RBMS3: variants seen among roughly 807,000 people sequenced by gnomAD.
The protein encoded by RBMS3 is RNA-binding motif, single-stranded-interacting protein 3.
A neutral mutation model predicts 66.8 loss-of-function variants in RBMS3; 27 were observed. The observed-to-expected ratio is 0.40, with a 90% confidence interval of 0.30 to 0.56. RBMS3 has a LOEUF of 0.56. Ranked by LOEUF, RBMS3 falls within the 20% of genes least tolerant of loss-of-function variation. The pLI is 0.40. For missense variants in RBMS3, 513 were observed against 549.5 expected, an observed-to-expected ratio of 0.93 and a Z score of 0.66; for synonymous variants, 188 against 183.0, an observed-to-expected ratio of 1.03 and a Z score of -0.22.
chr3:29,618,478 C>A (rs1431919452), intron 4 of RBMS3, among the ~76,000 whole-genome samples: 1 of 151,888 alleles, frequency 6.6e-6, no homozygotes, highest in East Asian at 1.9e-4. Context: ...TGTACTACAG[C>A]CTTGGCAACA....
At position 29,534,829 on chromosome 3, in the gene RBMS3, A is replaced by G. The variant is rs193139500; in HGVS notation, c.307+46330A>G. The stretch of plus-strand genomic sequence containing the variant: ...TTATCCACTCGTGTCATATGTCATC[A>G]TGCAAACTTCGTGAATTATAACTGT... On this transcript the variant is annotated intron_variant, in intron 3 of 14. Coordinates refer to ENST00000383767, the MANE Select transcript of RBMS3 (RefSeq NM_001003793.3). Among the ~76,000 whole-genome samples the G allele has an allele frequency of 5.0e-3, 761 of 152,308 alleles. 7 individuals carry two copies. The highest frequency in any genetic ancestry group is 0.014 in the Middle Eastern group (4 of 294).
At chr3:29,428,060 G>A (rs2041029168) in intron 1 of RBMS3, among the ~76,000 whole-genome samples, 1 of 152,178 alleles carries the variant, frequency 6.6e-6, no homozygotes, top group Admixed American at 6.5e-5. Context: ...GGGGGTGAAT[G>A]CCATGCGAAG....
chr3:29,549,290 C>G (rs1356880091), intron 3 of RBMS3, among the ~76,000 whole-genome samples: 1 of 151,832 alleles, frequency 6.6e-6, no homozygotes, highest in Non-Finnish European at 1.5e-5. Flanking sequence ...TATATCTGTG[C>G]TGTGTTTACA....
chr3:29,329,692 G>A (rs1488228935), intron 1 of RBMS3, among the ~76,000 whole-genome samples: 1 of 151,672 alleles, frequency 6.6e-6, no homozygotes, highest in African/African-American at 2.4e-5. Context: ...ATTGAGTCAA[G>A]CTTAATGCAT....
chr3:29,480,487 T>G (rs542301416), intron 2 of RBMS3, among the ~76,000 whole-genome samples: 1 of 151,980 alleles, frequency 6.6e-6, no homozygotes, highest in East Asian at 1.9e-4. Flanking sequence ...AAGAACCAGA[T>G]GAAGGTAATG....
chr3:29,281,529 A>T lies in RBMS3; in HGVS notation c.-153A>T, dbSNP rs894882719. The stretch of plus-strand genomic sequence containing the variant: ...TTGTTTTGTTTTGTTTTTTAAAAAA[A>T]TTCTTGCTGTGTTGGAACTAGCGAG... On this transcript the variant is annotated 5_prime_UTR_variant, in exon 1 of 15. Coordinates refer to ENST00000383767, the MANE Select transcript of RBMS3 (RefSeq NM_001003793.3). 7 of 610,190 alleles carry T rather than the reference A, an allele frequency of 1.1e-5. No individual in the cohort carries two copies. The highest frequency in any genetic ancestry group is 3.6e-4 in the Middle Eastern group (1 of 2,774). The allele number at this position is 610,190 out of a possible 1,614,324, so 37.8% of individuals were successfully genotyped here. A position where few individuals can be genotyped will look rare whatever the true frequency, so the allele number is the denominator to read the frequency against.
At chr3:29,939,833 A>C (rs2061348522) in intron 11 of RBMS3, among the ~76,000 whole-genome samples, 1 of 151,800 alleles carries the variant, frequency 6.6e-6, no homozygotes, top group African/African-American at 2.4e-5. Context: ...TCATCTAATA[A>C]TTTCAGACTC....
At chr3:29,963,507 A>T (rs1040041718) in intron 12 of RBMS3, among the ~76,000 whole-genome samples, 2 of 152,192 alleles carry the variant, frequency 1.3e-5, no homozygotes, top group African/African-American at 2.4e-5. Context: ...TTGTCTTCTT[A>T]CAAACACTTA....
intron 1 of RBMS3, among the ~76,000 whole-genome samples, chr3:29,295,994 G>A (rs1052631738): frequency 6.6e-6 from 1 of 151,686 alleles, no homozygotes; most frequent in Non-Finnish European, 1.5e-5. Context: ...GTGTTTTGAT[G>A]ACAGGATTGT....
chr3:29,390,699 A>T (rs552159214), intron 1 of RBMS3: 1 of 152,508 alleles, frequency 6.6e-6, no homozygotes, highest in East Asian at 1.9e-4. Flanking sequence ...TTAAACTAGC[A>T]TTTCCCAAAC....
At chr3:29,867,291 A>C (rs1042357924) in intron 6 of RBMS3, among the ~76,000 whole-genome samples, 1 of 151,960 alleles carries the variant, frequency 6.6e-6, no homozygotes, top group African/African-American at 2.4e-5. Flanking sequence ...TCAGTTATCT[A>C]TTAAGACAAT....
chr3:29,367,122 G>A (rs2037954777), intron 1 of RBMS3, among the ~76,000 whole-genome samples: 1 of 152,044 alleles, frequency 6.6e-6, no homozygotes, highest in African/African-American at 2.4e-5. Context: ...TATTTATGGA[G>A]AGAATTGAAT....
At chr3:29,304,872 T>G (rs2125453287) in intron 1 of RBMS3, among the ~76,000 whole-genome samples, 1 of 152,090 alleles carries the variant, frequency 6.6e-6, no homozygotes, top group East Asian at 2.0e-4. Flanking sequence ...CCTCAAATTC[T>G]CAGATATGGC....
rs758326781 is a variant in RBMS3 at position 29,897,431 on chromosome 3, T to C, written c.844T>C (p.Ser282Pro). The C allele has an allele frequency of 1.9e-6, 3 of 1,611,188 alleles. No individual in the cohort carries two copies. The highest frequency in any genetic ancestry group is 2.5e-6 in the Non-Finnish European group (3 of 1,178,062). ...AACCAACCGCATGATTCCACAGACA[T>C]CTATCACGCCATTCATTGCTGCTTC... is the stretch of plus-strand genomic sequence containing the variant. ...IATNRMIPQT[S>P]ITPFIAASPV... The change falls in exon 9 of 15, where the codon TCT becomes CCT. Residue 282 changes from serine to proline, a missense_variant. Ser to Pro is a moderately conservative substitution (Grantham distance 74, BLOSUM62 -1). Transcript: ENST00000383767.
intron 1 of RBMS3, among the ~76,000 whole-genome samples, chr3:29,405,330 T>A (rs1253631264): frequency 6.6e-6 from 1 of 152,192 alleles, no homozygotes; most frequent in African/African-American, 2.4e-5. Flanking sequence ...TATAATCCTG[T>A]GCCTTTGTTA....
chr3:29,956,010 G>A (rs549653582), intron 12 of RBMS3, among the ~76,000 whole-genome samples: 1 of 151,978 alleles, frequency 6.6e-6, no homozygotes, highest in East Asian at 1.9e-4. Context: ...ATAAATTCTG[G>A]AAATGGAAAT....
At chr3:29,356,587 G>A (rs2037235072) in intron 1 of RBMS3, among the ~76,000 whole-genome samples, 1 of 152,102 alleles carries the variant, frequency 6.6e-6, no homozygotes, top group South Asian at 2.1e-4. Context: ...TGCCAAATGT[G>A]CATATGAAAA....
chr3:29,504,744 C>T (rs913474191), intron 3 of RBMS3, among the ~76,000 whole-genome samples: 1 of 151,968 alleles, frequency 6.6e-6, no homozygotes, highest in Non-Finnish European at 1.5e-5. Flanking sequence ...TCCACATCCT[C>T]ATCAACATTT....
intron 2 of RBMS3, among the ~76,000 whole-genome samples, chr3:29,439,050 G>T (rs907956565): frequency 1.3e-5 from 2 of 152,154 alleles, no homozygotes; most frequent in Non-Finnish European, 2.9e-5. Flanking sequence ...AGAGCAGCCA[G>T]GTAAAGGAAA....
Sources: allele counts gnomAD v4.1 joint callset (sites outside exome capture counted in the v4.1 genomes callset), GRCh38; gene constraint gnomAD v4.1.1; transcripts MANE v1.5; gene names NCBI Gene and HGNC (gene_info 2026-07-23, HGNC 2026-07-21).